The following LSAMP variants were observed in gnomAD, a reference collection of about 807,000 sequenced individuals.
LSAMP encodes the protein limbic system-associated membrane protein.
A neutral mutation model predicts 38.6 loss-of-function variants in LSAMP; 7 were observed. The ratio of observed to expected loss-of-function variants is 0.18; its 90% confidence interval spans 0.10 to 0.34. The LOEUF (loss-of-function observed/expected upper bound fraction) is 0.34. Ranked by LOEUF, LSAMP falls within the 10% of genes least tolerant of loss-of-function variation. The probability of loss-of-function intolerance (pLI) is 1.00; values close to 1 mark genes in which losing one functional copy is unlikely to be tolerated. For synonymous variants in LSAMP, 154 were observed against 166.8 expected (o/e 0.92, Z 0.59); for missense variants, 313 against 420.0 (o/e 0.75, Z 2.23).
intron 1 of LSAMP, among the ~76,000 whole-genome samples, chr3:116,154,469 G>A (rs1446364190): frequency 6.6e-6 from 1 of 152,060 alleles, no homozygotes; most frequent in African/African-American, 2.4e-5. Flanking sequence ...AGACTCAAAT[G>A]GAATCTTCTA....
intron 1 of LSAMP, among the ~76,000 whole-genome samples, chr3:116,199,632 G>A (rs112484082): frequency 6.6e-5 from 10 of 152,262 alleles, no homozygotes; most frequent in African/African-American, 9.6e-5. Flanking sequence ...ATGTGTAGGC[G>A]AGAAGTAGAA....
chr3:115,827,173 A>G (rs952926303), intron 6 of LSAMP, among the ~76,000 whole-genome samples: 2 of 152,130 alleles, frequency 1.3e-5, no homozygotes, highest in Non-Finnish European at 2.9e-5. Context: ...CCCAGCTTCC[A>G]ACTCATACAA....
intron 3 of LSAMP, among the ~76,000 whole-genome samples, chr3:115,861,209 T>C (rs191028945): frequency 1.2e-4 from 16 of 132,544 alleles, no homozygotes; most frequent in African/African-American, 4.1e-4. Flanking sequence ...TTCCTTCCTT[T>C]CCTTCCTCCC....
At chr3:116,322,752 T>C (rs1469081626) in intron 1 of LSAMP, among the ~76,000 whole-genome samples, 1 of 152,136 alleles carries the variant, frequency 6.6e-6, no homozygotes, top group Non-Finnish European at 1.5e-5. Context: ...ATCCAAATCT[T>C]TCCATCTTTT....
chr3:116,223,167 C>G (rs577218465), intron 1 of LSAMP, among the ~76,000 whole-genome samples: 33 of 152,242 alleles, frequency 2.2e-4, no homozygotes, highest in African/African-American at 7.7e-4. Context: ...ATAAAAAATA[C>G]TTAAGAGGTT....
chr3:116,102,190 A>T (rs796366459), intron 1 of LSAMP, among the ~76,000 whole-genome samples: 6 of 152,302 alleles, frequency 3.9e-5, no homozygotes, highest in African/African-American at 1.2e-4. Context: ...AGGCAACTAA[A>T]ATTTAGGCAG....
At chr3:115,839,262 TTTCCTTCCTTCC>T (rs1192339424) in intron 6 of LSAMP, among the ~76,000 whole-genome samples, 2,165 of 78,638 alleles carry the variant, frequency 0.028, 27 homozygotes, top group African/African-American at 0.034. Flanking sequence ...TCCTTCTTTC[TTTCCTTCCTTCC>T]TTCCTTCCTT....
intron 4 of LSAMP, among the ~76,000 whole-genome samples, chr3:115,851,565 A>C (rs1196264603): frequency 1.3e-5 from 2 of 152,192 alleles, no homozygotes; most frequent in Non-Finnish European, 2.9e-5. Context: ...GACAGAAAGT[A>C]CTCGTCATAG....
intron 1 of LSAMP, among the ~76,000 whole-genome samples, chr3:116,432,577 A>T (rs527594992): frequency 2.6e-5 from 4 of 151,940 alleles, no homozygotes; most frequent in African/African-American, 7.2e-5. Flanking sequence ...GATTTTTTAA[A>T]AAAATTGTGC....
intron 3 of LSAMP, among the ~76,000 whole-genome samples, chr3:115,899,710 A>T (rs556457579): frequency 6.6e-6 from 1 of 152,306 alleles, no homozygotes; most frequent in South Asian, 2.1e-4. Flanking sequence ...AACTCTATAC[A>T]TAGTCCAAAC....
intron 1 of LSAMP, among the ~76,000 whole-genome samples, chr3:116,382,600 A>G (rs1463343729): frequency 2.0e-5 from 3 of 151,934 alleles, no homozygotes; most frequent in African/African-American, 7.3e-5. Flanking sequence ...ACATGCATAC[A>G]TATGTAACAA....
intron 1 of LSAMP, among the ~76,000 whole-genome samples, chr3:116,201,038 C>T (rs1343760753): frequency 6.6e-6 from 1 of 152,192 alleles, no homozygotes; most frequent in African/African-American, 2.4e-5. Context: ...GTGAGGAGCA[C>T]GCTTAGCCAA....
At chr3:116,149,049 C>T (rs933848785) in intron 1 of LSAMP, among the ~76,000 whole-genome samples, 9 of 151,984 alleles carry the variant, frequency 5.9e-5, no homozygotes, top group African/African-American at 1.9e-4. Flanking sequence ...GTTAGCGCTT[C>T]GTTCAACCTT....
intron 1 of LSAMP, among the ~76,000 whole-genome samples, chr3:116,398,246 G>C (rs2048794550): frequency 6.6e-6 from 1 of 152,090 alleles, no homozygotes; most frequent in Admixed American, 6.6e-5. Context: ...ACACTGCTTA[G>C]TTAGATAATA....
intron 2 of LSAMP, among the ~76,000 whole-genome samples, chr3:116,029,708 A>C (rs1242337311): frequency 6.6e-6 from 1 of 152,178 alleles, no homozygotes; most frequent in Non-Finnish European, 1.5e-5. Flanking sequence ...TCCTCTTTTC[A>C]TCAGACAGGA....
intron 3 of LSAMP, among the ~76,000 whole-genome samples, chr3:115,997,971 A>G (rs907936497): frequency 2.0e-5 from 3 of 148,492 alleles, no homozygotes; most frequent in Non-Finnish European, 4.5e-5. Context: ...TAATACTTCT[A>G]TATATCGTGT....
chr3:115,810,743 C>T (rs938522746), intron 6 of LSAMP, among the ~76,000 whole-genome samples: 9 of 152,114 alleles, frequency 5.9e-5, no homozygotes, highest in Non-Finnish European at 1.2e-4. Context: ...TGGCCCTGCC[C>T]GAAGTAACTC....
chr3:116,066,071 A>G (rs978482414), intron 2 of LSAMP, among the ~76,000 whole-genome samples: 10 of 152,198 alleles, frequency 6.6e-5, no homozygotes, highest in Non-Finnish European at 1.3e-4. Flanking sequence ...CTTATTTCTC[A>G]CAATTCTGGA....
chr3:116,181,713 A>T (rs1710489262), intron 1 of LSAMP, among the ~76,000 whole-genome samples: 1 of 152,016 alleles, frequency 6.6e-6, no homozygotes, highest in South Asian at 2.1e-4. Flanking sequence ...CAATATCCTA[A>T]GATAGACAGC....
Sources: allele counts gnomAD v4.1 joint callset (sites outside exome capture counted in the v4.1 genomes callset), GRCh38; gene constraint gnomAD v4.1.1; transcripts MANE v1.5; gene names NCBI Gene and HGNC (gene_info 2026-07-23, HGNC 2026-07-21).